Variants in ZNF469 observed in about 807,000 individuals in gnomAD.
The protein encoded by ZNF469 is zinc finger protein 469.
A neutral mutation model predicts 1.0 loss-of-function variants in ZNF469; 1 was observed. The observed-to-expected ratio is 1.00, with a 90% CI of 0.35 to 4.73. The LOEUF (loss-of-function observed/expected upper bound fraction) is 4.73. ZNF469 is among the 30% of genes most tolerant of loss of function. ZNF469 has a pLI of 0.16. For synonymous variants in ZNF469, 2,703 were observed against 2,363.4 expected (o/e 1.14, Z -4.17); for missense variants, 6,100 against 5,356.3 (o/e 1.14, Z -4.33).
At chr16:88,109,671 C>A in the ZNF469 span, among the ~76,000 whole-genome samples, 1 of 149,846 alleles carries the variant, frequency 6.7e-6, no homozygotes, top group Non-Finnish European at 1.5e-5. Context: ...TGTCTCCTCT[C>A]CGGGATCAGG....
At chr16:88,410,000 C>T (rs1597196912) in intron 1 of ZNF469, among the ~76,000 whole-genome samples, 2 of 149,474 alleles carry the variant, frequency 1.3e-5, no homozygotes, top group South Asian at 4.2e-4. Flanking sequence ...AAGGGGATGC[C>T]GAGTGTTCCA....
chr16:88,381,090 TCA>T (rs1567495852), upstream of ZNF469, among the ~76,000 whole-genome samples: 1 of 62,214 alleles, frequency 1.6e-5, no homozygotes, highest in African/African-American at 7.1e-5. Context: ...ACACACGCAC[TCA>T]CACACCCGGA....
chr16:88,404,900 C>G (rs1273439089), intron 1 of ZNF469, among the ~76,000 whole-genome samples: 2 of 152,166 alleles, frequency 1.3e-5, no homozygotes, highest in African/African-American at 4.8e-5. Flanking sequence ...GAGGACAGAA[C>G]GCAACTCCAA....
intron 1 of ZNF469, among the ~76,000 whole-genome samples, chr16:88,388,808 C>G (rs1904407765): frequency 6.6e-6 from 1 of 151,952 alleles, no homozygotes; most frequent in African/African-American, 2.4e-5. Flanking sequence ...GCTGCCCCAT[C>G]TGTAGAAGCC....
chr16:88,324,733 G>A, the ZNF469 span, among the ~76,000 whole-genome samples: 6 of 152,204 alleles, frequency 3.9e-5, no homozygotes, highest in African/African-American at 1.2e-4. Context: ...GAAAGGGGGC[G>A]GCACCTTCCA....
chr16:88,155,284 C>G, the ZNF469 span, among the ~76,000 whole-genome samples: 2 of 152,248 alleles, frequency 1.3e-5, no homozygotes, highest in African/African-American at 4.8e-5. Flanking sequence ...CCTGCTGAAC[C>G]TCCACTGTTT....
the ZNF469 span, among the ~76,000 whole-genome samples, chr16:88,324,296 C>G: frequency 3.3e-5 from 5 of 152,380 alleles, no homozygotes; most frequent in Middle Eastern, 3.4e-3. Flanking sequence ...TAAAAAGGTC[C>G]AGATTCAAAG....
the ZNF469 span, among the ~76,000 whole-genome samples, chr16:88,184,548 C>T: frequency 1.3e-5 from 2 of 151,972 alleles, no homozygotes; most frequent in Non-Finnish European, 2.9e-5. Flanking sequence ...CTGTGCCTCC[C>T]GCCGGCTGTG....
chr16:88,354,465 A>G, the ZNF469 span, among the ~76,000 whole-genome samples: 1 of 152,072 alleles, frequency 6.6e-6, no homozygotes, highest in Non-Finnish European at 1.5e-5. Flanking sequence ...GCTGGGGTCA[A>G]GTCTGTGTTT....
Position 88,437,584 on chromosome 16 carries a change from C to T in ZNF469, c.10114C>T (p.Arg3372Trp), listed in dbSNP as rs1906683934. Residue 3372 changes from arginine (R) to tryptophan (W), a missense_variant, in exon 3 of 3, where the codon CGG becomes TGG. Transcript: ENST00000565624. The part of the protein sequence containing the change: ...QRVYLCPRCP[R>W]VYPEHGELLA... ...CGTCTACCTGTGCCCCCGGTGCCCC[C>T]GGGTCTACCCCGAGCACGGGGAGCT... 8 of 1,533,954 alleles carry T rather than the reference C, an allele frequency of 5.2e-6. No individual in the cohort carries two copies. The highest frequency in any genetic ancestry group is 7.0e-6 in the Non-Finnish European group (8 of 1,135,062).
upstream of ZNF469, among the ~76,000 whole-genome samples, chr16:88,379,923 CCT>C (rs1372024658): frequency 1.3e-5 from 2 of 152,310 alleles, no homozygotes; most frequent in African/African-American, 2.4e-5. Flanking sequence ...AGGGTCATCC[CCT>C]GTTGTCACCA....
the ZNF469 span, among the ~76,000 whole-genome samples, chr16:88,357,722 A>C: frequency 1.2e-3 from 190 of 152,290 alleles, 1 homozygote; most frequent in Admixed American, 5.6e-3. Context: ...TTCCCATCGC[A>C]TTTATGGGAG....
At chr16:88,245,021 C>T in the ZNF469 span, among the ~76,000 whole-genome samples, 4 of 151,856 alleles carry the variant, frequency 2.6e-5, no homozygotes, top group African/African-American at 7.3e-5. Context: ...TCCTACAGTC[C>T]CAGCACTCCT....
the ZNF469 span, among the ~76,000 whole-genome samples, chr16:88,197,589 C>A: frequency 6.6e-6 from 1 of 152,186 alleles, no homozygotes; most frequent in Non-Finnish European, 1.5e-5. Context: ...AACAAACTAC[C>A]CCCAACTCAG....
chr16:88,213,145 C>G, the ZNF469 span, among the ~76,000 whole-genome samples: 2 of 151,926 alleles, frequency 1.3e-5, no homozygotes, highest in Non-Finnish European at 2.9e-5. Flanking sequence ...GTGGCCCAGG[C>G]TGGAGTGCAG....
the ZNF469 span, among the ~76,000 whole-genome samples, chr16:88,354,963 A>G: frequency 6.6e-6 from 1 of 152,170 alleles, no homozygotes; most frequent in African/African-American, 2.4e-5. Flanking sequence ...ACTTGTGCTT[A>G]TCCAGCCCAG....
chr16:88,120,891 G>A, the ZNF469 span, among the ~76,000 whole-genome samples: 3 of 152,224 alleles, frequency 2.0e-5, no homozygotes, highest in Non-Finnish European at 2.9e-5. Context: ...GACCTCACCC[G>A]AGGGTGGGAG....
At chr16:88,193,101 GA>G in the ZNF469 span, among the ~76,000 whole-genome samples, 3 of 116,194 alleles carry the variant, frequency 2.6e-5, no homozygotes, top group African/African-American at 3.5e-5. Flanking sequence ...TGATGGTGTT[GA>G]TGGTGGTGGT....
chr16:88,433,221 T>C lies in ZNF469; in HGVS notation c.5751T>C (p.Asp1917=). 1.3e-6 allele frequency: 2 copies of C among 1,550,184 alleles called. No individual in the cohort carries two copies. The highest frequency in any genetic ancestry group is 1.7e-6 in the Non-Finnish European group (2 of 1,146,900). ...LPGPGVAKSK[D]GILGLQELTP... ...GGCCTGGAGTGGCTAAGAGTAAAGA[T>C]GGCATCCTGGGCTTGCAGGAGCTGA... is the stretch of plus-strand genomic sequence containing the variant. Residue 1917 remains aspartate (D), a synonymous_variant, in exon 3 of 3, where the codon GAT becomes GAC. Transcript: ENST00000565624.
Sources: gnomAD v4.1 joint callset for allele counts (sites outside exome capture counted in the v4.1 genomes callset) on GRCh38, gnomAD v4.1.1 for gene constraint, MANE v1.5 for transcripts, NCBI Gene and HGNC (gene_info 2026-07-23, HGNC 2026-07-21) for gene names.